KIF5C: variants seen among roughly 807,000 people sequenced by gnomAD.
KIF5C encodes kinesin heavy chain isoform 5C.
KIF5C carries 18 observed loss-of-function variants against 125.2 expected under a neutral mutation model. The ratio of observed to expected loss-of-function variants is 0.14; its 90% CI spans 0.10 to 0.21. The LOEUF (loss-of-function observed/expected upper bound fraction) is 0.21, where lower values mean the gene tolerates loss of function less well. Among genes scored for constraint, KIF5C ranks in the 10% least tolerant of loss-of-function variants. KIF5C has a pLI of 1.00. For synonymous variants in KIF5C, 405 were observed against 434.0 expected, an observed-to-expected ratio of 0.93 and a Z score of 0.83; for missense variants, 780 against 1,183.8, an observed-to-expected ratio of 0.66 and a Z score of 5.01.
chr2:148,875,575 G>GGGGGCC lies in KIF5C; in HGVS notation c.-43_-42insGGGGCC. 1 of 699,606 alleles carries GGGGGCC rather than the reference G, an allele frequency of 1.4e-6. No individual in the cohort carries two copies. 43.3% of individuals were successfully genotyped at this position (699,606 alleles called of 1,614,324 possible). On this transcript the variant is annotated 5_prime_UTR_variant, in exon 1 of 26. Coordinates refer to ENST00000435030, the MANE Select transcript of KIF5C (RefSeq NM_004522.3). The stretch of plus-strand genomic sequence containing the variant: ...TCCTCCCTCGTCGTTCCCGGCCCCG[G>GGGGGCC]CCCCCCACCCATCCCCGTGCCCCCT...
Position 149,005,444 on chromosome 2 carries a change from C to G in KIF5C, c.2425C>G (p.Leu809Val), listed in dbSNP as rs1453937333. 3.7e-6 allele frequency: 6 copies of G among 1,613,866 alleles called. No individual in the cohort carries two copies. In the Admixed American group the frequency reaches 1.0e-4, roughly 27 times the overall value. ...CCTTCGGAAACTCTTTGTCCAGGAT[C>G]TGACCACCCGAGTTAAAAAAGTGAG... Reference protein sequence around the residue: ...HNLRKLFVQDLTTRVKKSVEL... With the variant: ...HNLRKLFVQDVTTRVKKSVEL... Residue 809 changes from leucine (L) to valine (V), a missense_variant, in exon 22 of 26, where the codon CTG (leucine) becomes GTG (valine). Coordinates refer to ENST00000435030, the MANE Select transcript of KIF5C (RefSeq NM_004522.3).
intron 1 of KIF5C, among the ~76,000 whole-genome samples, chr2:148,897,165 A>C (rs955774271): frequency 2.6e-5 from 4 of 152,232 alleles, no homozygotes; most frequent in Non-Finnish European, 5.9e-5. Flanking sequence ...AGAAATACAA[A>C]TATATTGCAA....
chr2:148,913,802 G>A (rs951012736), intron 1 of KIF5C, among the ~76,000 whole-genome samples: 6 of 152,134 alleles, frequency 3.9e-5, no homozygotes, highest in East Asian at 1.9e-4. Context: ...TCCATTTGGC[G>A]CAAGAGATCC....
chr2:148,889,057 T>C (rs1270139070), intron 1 of KIF5C, among the ~76,000 whole-genome samples: 1 of 152,220 alleles, frequency 6.6e-6, no homozygotes, highest in African/African-American at 2.4e-5. Context: ...TTGAATTGTT[T>C]CTGGAGTATA....
chr2:148,978,841 G>T (rs1319319670), intron 12 of KIF5C, 81 bp from the exon 13 acceptor site: 3 of 1,471,506 alleles, frequency 2.0e-6, no homozygotes, highest in Middle Eastern at 1.8e-4. Flanking sequence ...GCAAGCTTAT[G>T]GTAGCTGCCT....
At chr2:148,887,512 T>TA (rs1427089308) in intron 1 of KIF5C, among the ~76,000 whole-genome samples, 1 of 152,054 alleles carries the variant, frequency 6.6e-6, no homozygotes, top group Non-Finnish European at 1.5e-5. Context: ...AAAGCAAATT[T>TA]AAAAAAATCG....
chr2:148,923,442 G>A (rs993897491), intron 2 of KIF5C, among the ~76,000 whole-genome samples: 2 of 152,080 alleles, frequency 1.3e-5, no homozygotes, highest in East Asian at 1.9e-4. Context: ...CTGAATTCGA[G>A]CTCTTTCTGA....
At chr2:148,881,360 C>A (rs1254862093) in intron 1 of KIF5C, among the ~76,000 whole-genome samples, 1 of 151,988 alleles carries the variant, frequency 6.6e-6, no homozygotes, top group East Asian at 1.9e-4. Context: ...TTAGCTGTTC[C>A]TTTGTGATCA....
Position 148,915,154 on chromosome 2 carries a change from G to A in KIF5C, c.127-6983G>A, listed in dbSNP as rs184393237. ...ACTTCAGGACTGCTAAAATCTTGGTGGGGAGTAAGAATGGTGGGAAATACG... is the reference window on the plus strand; with the variant it reads ...ACTTCAGGACTGCTAAAATCTTGGTAGGGAGTAAGAATGGTGGGAAATACG... On this transcript the variant is annotated intron_variant, in intron 1 of 25. Coordinates refer to ENST00000435030, the MANE Select transcript of KIF5C (RefSeq NM_004522.3). Among the ~76,000 whole-genome samples, 10 of 152,308 alleles carry A rather than the reference G, an allele frequency of 6.6e-5. No individual in the cohort carries two copies. The East Asian group carries it at 1.7e-3, about 26-fold the overall frequency.
chr2:148,949,684 C>T (rs1050539118), intron 8 of KIF5C, among the ~76,000 whole-genome samples, 155 bp from the exon 9 acceptor site: 7 of 152,168 alleles, frequency 4.6e-5, no homozygotes, highest in Non-Finnish European at 8.8e-5. Flanking sequence ...GCCTCATACA[C>T]GAAGGATGGT....
At chr2:149,009,221 A>G (rs769985443) in intron 23 of KIF5C, among the ~76,000 whole-genome samples, 3 of 151,574 alleles carry the variant, frequency 2.0e-5, no homozygotes, top group Admixed American at 1.3e-4. Context: ...TGAACCACTG[A>G]CCTCGTGATC....
At chr2:148,960,215 A>T (rs1276593352) in intron 10 of KIF5C, among the ~76,000 whole-genome samples, 1 of 152,248 alleles carries the variant, frequency 6.6e-6, no homozygotes, top group Non-Finnish European at 1.5e-5. Context: ...CCTCTGGCTA[A>T]ACCTGCCTGA....
At chr2:148,997,458 G>A (rs1681708391) in intron 18 of KIF5C, 118 bp downstream of exon 18, 2 of 1,533,510 alleles carry the variant, frequency 1.3e-6, no homozygotes, top group Non-Finnish European at 1.8e-6. Context: ...GGACAGGGGA[G>A]GGGCTGTTGT....
At chr2:148,889,728 T>C (rs578174824) in intron 1 of KIF5C, among the ~76,000 whole-genome samples, 2 of 152,294 alleles carry the variant, frequency 1.3e-5, no homozygotes, top group East Asian at 3.9e-4. Flanking sequence ...TTACAAGGCA[T>C]TACTTCATGC....
intron 19 of KIF5C, chr2:148,998,939 GCCTCCCCTTCTCCCCCTAC>G: frequency 6.4e-6 from 1 of 156,042 alleles, no homozygotes; most frequent in Non-Finnish European, 1.4e-5. Context: ...CAGCACCACC[GCCTCCCCTTCTCCCCCTAC>G]ACATACACGC....
chr2:148,943,801 T>C (rs1682462183), intron 7 of KIF5C, among the ~76,000 whole-genome samples: 1 of 152,232 alleles, frequency 6.6e-6, no homozygotes, highest in African/African-American at 2.4e-5. Flanking sequence ...GACTCTCTGA[T>C]TCTGTGGTCC....
intron 2 of KIF5C, among the ~76,000 whole-genome samples, chr2:148,926,702 C>G (rs1454282140): frequency 1.3e-5 from 2 of 152,174 alleles, no homozygotes; most frequent in Non-Finnish European, 2.9e-5. Context: ...AGCAAACAAA[C>G]AACAAACAGA....
chr2:148,974,753 T>C (rs943488484), intron 12 of KIF5C, among the ~76,000 whole-genome samples: 1 of 152,242 alleles, frequency 6.6e-6, no homozygotes, highest in Admixed American at 6.5e-5. Flanking sequence ...TTAGACCATA[T>C]GCATTTTTTT....
Position 148,876,296 on chromosome 2 carries a change from C to T in KIF5C, c.126+553C>T, listed in dbSNP as rs1360864833. Among the ~76,000 whole-genome samples the T allele has an allele frequency of 6.6e-6, 1 of 152,198 alleles. No homozygotes were observed. The highest frequency in any genetic ancestry group is 1.5e-5 in the Non-Finnish European group (1 of 68,036). On this transcript the variant is annotated intron_variant, in intron 1 of 25. Coordinates refer to ENST00000435030, the MANE Select transcript of KIF5C (RefSeq NM_004522.3). This position sits in a 1 kb window ranked among gnomAD's most constrained non-coding sequence, Gnocchi z 4.7. The stretch of plus-strand genomic sequence containing the variant: ...CGGCTCCCCGCGGTGTTACACCTGG[C>T]TCCGCGCGCGGAAGGCGGAGGGTTG...
Sources: allele counts gnomAD v4.1 joint callset (sites outside exome capture counted in the v4.1 genomes callset), GRCh38; gene constraint gnomAD v4.1.1; non-coding constraint Gnocchi (gnomAD v3.1); transcripts MANE v1.5; gene names NCBI Gene and HGNC (gene_info 2026-07-23, HGNC 2026-07-21).